Variants in WDR3 observed in about 807,000 individuals in gnomAD.
WDR3 encodes WD repeat-containing protein 3.
A neutral mutation model predicts 123.7 loss-of-function variants in WDR3; 81 were observed. That is an observed-to-expected ratio of 0.65 (90% confidence interval 0.55 to 0.79). The LOEUF is 0.79. WDR3 is among the 30% of genes least tolerant of loss of function. The probability of loss-of-function intolerance (pLI) is 0.00; values close to 1 mark genes in which losing one functional copy is unlikely to be tolerated. For missense variants in WDR3, 1,027 were observed against 1,123.2 expected (o/e 0.91, Z 1.22); for synonymous variants, 390 against 388.8 (o/e 1.00, Z -0.04).
intron 3 of WDR3, among the ~76,000 whole-genome samples, chr1:117,936,076 CTG>C (rs1258456735): frequency 2.0e-5 from 3 of 151,884 alleles, no homozygotes; most frequent in Non-Finnish European, 2.9e-5. Flanking sequence ...AATATTAAGA[CTG>C]AACATTTTTT....
At position 117,943,072 on chromosome 1, in the gene WDR3, C is replaced by T. The variant is rs368335938; in HGVS notation, c.1098-324C>T. On this transcript the variant is annotated intron_variant, in intron 10 of 26. Coordinates refer to ENST00000349139, the MANE Select transcript of WDR3 (RefSeq NM_006784.3). ...GGTTCAAGCGATTCTCCTGCCTCAC[C>T]CTCCGCAGTAACTGGGATTACAGAC... Among the ~76,000 whole-genome samples, 8 of 152,064 alleles carry T rather than the reference C, an allele frequency of 5.3e-5. No homozygotes were observed. In the East Asian group the frequency reaches 5.8e-4, roughly 11 times the overall value.
Position 117,957,318 on chromosome 1 carries a change from C to T in WDR3, c.2582+122C>T, listed in dbSNP as rs143860258. ...TATGCCGAACTCGGTGGCTCACACC[C>T]GTAATCCCAGCACTTTGGGAGGCTG... On this transcript the variant is annotated intron_variant, in intron 25 of 26. Transcript: ENST00000349139. 6.1e-4 allele frequency: 773 copies of T among 1,260,708 alleles called. 4 individuals are homozygous for T. In the East Asian group the frequency reaches 0.011, roughly 18 times the overall value. 78.1% of individuals were successfully genotyped at this position (1,260,708 alleles called of 1,614,324 possible). A position where few individuals can be genotyped will look rare whatever the true frequency, so the allele number is the denominator to read the frequency against.
intron 10 of WDR3, among the ~76,000 whole-genome samples, chr1:117,943,149 C>T (rs1007945548): frequency 1.1e-4 from 17 of 151,966 alleles, no homozygotes; most frequent in African/African-American, 2.7e-4. Context: ...GATGGTGTTT[C>T]GCCATGTTGG....
At chr1:117,954,977 AAGAG>A (rs1407711043) in intron 23 of WDR3, 1 of 382,824 alleles carries the variant, frequency 2.6e-6, no homozygotes, top group Non-Finnish European at 4.6e-6. Flanking sequence ...TGAGATAAAG[AAGAG>A]AGAGAGGGGA....
rs1299029269 is a variant in WDR3 at position 117,955,364 on chromosome 1, T to C, written c.2453+6T>C. 1 of 1,612,034 alleles carries C rather than the reference T, an allele frequency of 6.2e-7. No homozygotes were observed. Among genetic ancestry groups the C allele is most frequent in the South Asian group, 1.1e-5 (1 of 90,832 alleles). ...TTTAAAGGGATCAAGTCGAGGTGAG[T>C]GAGTCCTTGCGCACAATTTTTGTAA... is the stretch of plus-strand genomic sequence containing the variant. On this transcript the variant is annotated splice_donor_region_variant and intron_variant, in intron 24 of 26. Transcript: ENST00000349139.
Position 117,943,609 on chromosome 1 carries a change from C to T in WDR3, c.1311C>T (p.Ser437=). Residue 437 remains serine, a synonymous_variant, in exon 11 of 27, where the codon TCC becomes TCT. Coordinates refer to ENST00000349139, the MANE Select transcript of WDR3 (RefSeq NM_006784.3). The part of the protein sequence containing the change: ...NIAVLSAAAD[S]IKIWNRSTLQ... ...CTGTTCTTTCAGCTGCAGCTGATTC[C>T]ATTAAAATATGGAACAGGTTCGTGA... 1.2e-6 allele frequency: 2 copies of T among 1,614,038 alleles called. No homozygotes were observed. The highest frequency in any genetic ancestry group is 3.3e-5 in the Admixed American group (2 of 60,014).
At chr1:117,950,219 T>C (rs1651559945) in intron 15 of WDR3, 89 bp downstream of exon 15, 3 of 1,478,714 alleles carry the variant, frequency 2.0e-6, no homozygotes, top group Non-Finnish European at 2.8e-6. Flanking sequence ...TGGCCTTGAC[T>C]GTGCCCAGCG....
rs1651249938 is a variant in WDR3, at chr1:117,943,406, T to C, written c.1108T>C (p.Leu370=). The C allele has an allele frequency of 1.1e-5, 17 of 1,613,756 alleles. No individual in the cohort carries two copies. The highest frequency in any genetic ancestry group is 1.4e-5 in the Non-Finnish European group (17 of 1,179,790). The change falls in exon 11 of 27, where the codon TTG becomes CTG. Residue 370 remains leucine (L), a synonymous_variant. Transcript: ENST00000349139. ...TATTTTCTTGTACAGGTCCTTTGAC[T>C]TGATTCATTCACCTCACGGAGAGTT... ...KTSAKIKSFD[L]IHSPHGELKA...
At position 117,966,443 on chromosome 1, in the gene WDR3, T is replaced by G. The variant is rs1653858061; in HGVS notation, c.*6996T>G. On this transcript the variant is annotated 3_prime_UTR_variant, in exon 27 of 27. Transcript: ENST00000349139. ...TGTCAGGTATTTTTTTAGATTTGGC[T>G]AGGTGCTTTCAAAGATGAATGAAGA... 1.7e-6 allele frequency: 1 copy of G among 603,716 alleles called. No individual in the cohort carries two copies. Among genetic ancestry groups the G allele is most frequent in the Admixed American group, 3.7e-5 (1 of 27,162 alleles). The allele number at this position is 603,716 out of a possible 1,614,324, so 37.4% of individuals were successfully genotyped here.
Position 117,943,563 on chromosome 1 carries a change from C to T in WDR3, c.1265C>T (p.Ser422Leu). The change falls in exon 11 of 27, where the codon TCA (serine) becomes TTA (leucine). Residue 422 changes from serine (S) to leucine (L), a missense_variant. Physicochemically the swap from Ser to Leu is moderately radical, Grantham distance 145. Transcript: ENST00000349139. ...CATCGCAGTGATGTGCGGACTTTGTCATTCAGCTCAGACAATATTGCTGTT... is the reference window on the plus strand; with the variant it reads ...CATCGCAGTGATGTGCGGACTTTGTTATTCAGCTCAGACAATATTGCTGTT... The part of the protein sequence containing the change: ...GGHRSDVRTL[S>L]FSSDNIAVLS... 1 of 1,614,120 alleles carries T rather than the reference C, an allele frequency of 6.2e-7. No homozygotes were observed. Among genetic ancestry groups the T allele is most frequent in the Non-Finnish European group, 8.5e-7 (1 of 1,180,032 alleles).
chr1:117,930,671 G>C (rs545223177), intron 1 of WDR3, among the ~76,000 whole-genome samples: 1 of 152,334 alleles, frequency 6.6e-6, no homozygotes, highest in East Asian at 1.9e-4. Context: ...GTAATCCAGT[G>C]ATAAAGAGCT....
rs1653450113 is a variant in WDR3 at position 117,963,851 on chromosome 1, A to T, written c.*4404A>T. The T allele has an allele frequency of 1.2e-6, 2 of 1,613,940 alleles. No homozygotes were observed. Among genetic ancestry groups the T allele is most frequent in the Non-Finnish European group, 1.7e-6 (2 of 1,179,838 alleles). On this transcript the variant is annotated 3_prime_UTR_variant, in exon 27 of 27. Coordinates refer to ENST00000349139, the MANE Select transcript of WDR3 (RefSeq NM_006784.3). ...GAAGACTCCAAGTGTGGAGGAATAA[A>T]TTGTAGAAGTTCTCTGGACCATTGG...
intron 15 of WDR3, 48 bp downstream of exon 15, chr1:117,950,178 C>G (rs373055914): frequency 6.2e-7 from 1 of 1,605,170 alleles, no homozygotes; most frequent in Non-Finnish European, 8.5e-7. Flanking sequence ...ACTGACTGAC[C>G]TTAAGAATTT....
intron 20 of WDR3, 48 bp downstream of exon 20, chr1:117,953,044 C>G: frequency 6.3e-7 from 1 of 1,585,370 alleles, no homozygotes. Context: ...ATATAGTTAT[C>G]TTATTGAAAT....
rs781395374 is a variant in WDR3, at chr1:117,941,124, C to A, written c.790C>A (p.Arg264=). 19 of 1,613,886 alleles carry A rather than the reference C, an allele frequency of 1.2e-5. No individual in the cohort carries two copies. Among genetic ancestry groups the A allele is most frequent in the South Asian group, 1.1e-5 (1 of 91,062 alleles). The change falls in exon 8 of 27, where the codon CGA becomes AGA. Residue 264 remains arginine (R), a splice_region_variant and synonymous_variant. Coordinates refer to ENST00000349139, the MANE Select transcript of WDR3 (RefSeq NM_006784.3). ...AFETDEAPED[R]ILSCRKAGSI... ...TCATCTGCTCTTGCTTCTTCTGTAG[C>A]GAATCCTTTCATGCAGAAAAGCTGG... is the stretch of plus-strand genomic sequence containing the variant.
At position 117,954,008 on chromosome 1, in the gene WDR3, C is replaced by G; in HGVS notation, c.2270C>G (p.Ala757Gly). Residue 757 changes from alanine to glycine, a missense_variant and splice_region_variant, in exon 22 of 27, where the codon GCT becomes GGT. By Grantham distance (60) the Ala-to-Gly change is moderately conservative. Transcript: ENST00000349139. The stretch of plus-strand genomic sequence containing the variant: ...TCTTTCCTTTCTCATCCTCTGTAGG[C>G]TGAGAGGATTATGGAGGCTATTGAG... ...GKKTIETVKA[A>G]ERIMEAIELY... 1 of 1,607,884 alleles carries G rather than the reference C, an allele frequency of 6.2e-7. No homozygotes were observed. The highest frequency in any genetic ancestry group is 8.5e-7 in the Non-Finnish European group (1 of 1,176,198).
rs1368492820 is a variant in WDR3, at chr1:117,965,350, A to C, written c.*5903A>C. The stretch of plus-strand genomic sequence containing the variant: ...CTCCTGCTCCCTAAACCGACTCCAG[A>C]TTTCTGTTCCTTGCCCATACATTCA... On this transcript the variant is annotated 3_prime_UTR_variant, in exon 27 of 27. Coordinates refer to ENST00000349139, the MANE Select transcript of WDR3 (RefSeq NM_006784.3). The C allele has an allele frequency of 6.6e-6, 1 of 152,166 alleles. No homozygotes were observed. The allele number at this position is 152,166 out of a possible 1,614,324, so 9.4% of individuals were successfully genotyped here.
intron 13 of WDR3, 89 bp downstream of exon 13, chr1:117,948,595 T>TC: frequency 2.2e-6 from 2 of 903,696 alleles, no homozygotes; most frequent in Non-Finnish European, 3.2e-6. Context: ...GCCTGAGGTT[T>TC]TTTTTTTTTT....
rs1653232590 is a variant in WDR3, at chr1:117,962,482, A to C, written c.*3035A>C. 6.6e-6 allele frequency: 1 copy of C among 151,730 alleles called. No individual in the cohort carries two copies. The highest frequency in any genetic ancestry group is 2.4e-5 in the African/African-American group (1 of 41,296). 9.4% of individuals were successfully genotyped at this position (151,730 alleles called of 1,614,324 possible). Reference sequence around the variant, plus strand: ...TAGTACCATAAAGAAAAGCCTTTTGAGATTGCAGTGAGCTGAGATTGTGCC... The same window carrying C: ...TAGTACCATAAAGAAAAGCCTTTTGCGATTGCAGTGAGCTGAGATTGTGCC... On this transcript the variant is annotated 3_prime_UTR_variant, in exon 27 of 27. Transcript: ENST00000349139.
Sources: gnomAD v4.1 joint callset for allele counts (sites outside exome capture counted in the v4.1 genomes callset) on GRCh38, gnomAD v4.1.1 for gene constraint, MANE v1.5 for transcripts, NCBI Gene and HGNC (gene_info 2026-07-23, HGNC 2026-07-21) for gene names.